The following LRRFIP1 variants were observed in gnomAD, a reference collection of about 807,000 sequenced individuals.
The protein encoded by LRRFIP1 is leucine-rich repeat flightless-interacting protein 1.
In LRRFIP1, 62 loss-of-function variants were observed where a neutral mutation model predicts 104.4. The observed-to-expected ratio is 0.59, with a 90% CI of 0.48 to 0.73. The LOEUF is 0.73. Ranked by LOEUF, LRRFIP1 falls within the 30% of genes least tolerant of loss-of-function variation. The pLI is 0.00. For synonymous variants in LRRFIP1, 300 were observed against 299.0 expected (o/e 1.00, Z -0.03); for missense variants, 796 against 824.5 (o/e 0.97, Z 0.42).
intron 20 of LRRFIP1, chr2:237,770,193 A>G (rs1415160705): frequency 5.3e-6 from 3 of 561,088 alleles, no homozygotes; most frequent in Non-Finnish European, 9.7e-6. Context: ...ATCCTGAGTC[A>G]TATGAGGTTT....
At chr2:237,657,113 A>T (rs1433499989) in intron 1 of LRRFIP1, among the ~76,000 whole-genome samples, 1 of 152,218 alleles carries the variant, frequency 6.6e-6, no homozygotes, top group Admixed American at 6.6e-5. Flanking sequence ...TTTTGGTTTC[A>T]GTTACAGTGG....
At chr2:237,683,124 A>C (rs2092010083) in intron 1 of LRRFIP1, among the ~76,000 whole-genome samples, 1 of 152,218 alleles carries the variant, frequency 6.6e-6, no homozygotes. Context: ...ACGTCAGGGG[A>C]CCCTGCTCTT....
chr2:237,735,528 T>C lies in LRRFIP1; in HGVS notation c.555+195T>C. ...AATCAGGAAACCTCTGGTTGTTGGT[T>C]TCATGTCCTCACTCATCAGGGAGAG... On this transcript the variant is annotated intron_variant, in intron 10 of 23. Coordinates refer to ENST00000308482, the MANE Select transcript of LRRFIP1 (RefSeq NM_001137550.2). This position sits in a 1 kb window ranked among gnomAD's most constrained non-coding sequence, Gnocchi z 4.6. The C allele has an allele frequency of 1.8e-6, 1 of 562,216 alleles. No individual in the cohort carries two copies. Among genetic ancestry groups the C allele is most frequent in the South Asian group, 2.2e-5 (1 of 45,540 alleles). 34.8% of individuals were successfully genotyped at this position (562,216 alleles called of 1,614,324 possible).
intron 1 of LRRFIP1, among the ~76,000 whole-genome samples, chr2:237,653,400 G>A (rs1217251984): frequency 1.3e-5 from 2 of 152,124 alleles, no homozygotes; most frequent in Non-Finnish European, 2.9e-5. Context: ...TTCATGGACT[G>A]GAAGAATTAA....
intron 14 of LRRFIP1, 86 bp from the exon 15 acceptor site, chr2:237,753,223 G>A (rs2058848428): frequency 9.7e-7 from 1 of 1,031,418 alleles, no homozygotes; most frequent in South Asian, 1.6e-5. Flanking sequence ...GTTTAGGACT[G>A]AGGGTTTTTT....
intron 5 of LRRFIP1, 79 bp from the exon 6 acceptor site, chr2:237,720,692 TC>T: frequency 7.7e-7 from 1 of 1,291,032 alleles, no homozygotes; most frequent in Non-Finnish European, 1.1e-6. Flanking sequence ...GTTCCCAGCA[TC>T]CCCCTGAAAC....
chr2:237,652,766 G>T (rs1022268493), intron 1 of LRRFIP1, among the ~76,000 whole-genome samples: 1 of 152,208 alleles, frequency 6.6e-6, no homozygotes, highest in Non-Finnish European at 1.5e-5. Context: ...AGAGAGGACT[G>T]CCTGATCTCA....
intron 1 of LRRFIP1, among the ~76,000 whole-genome samples, chr2:237,690,528 G>C (rs2092685445): frequency 6.6e-6 from 1 of 152,160 alleles, no homozygotes; most frequent in South Asian, 2.1e-4. Flanking sequence ...TTTGAGGTCA[G>C]GAGTTCGAAA....
intron 19 of LRRFIP1, chr2:237,764,226 C>T: frequency 6.2e-7 from 1 of 1,612,372 alleles, no homozygotes; most frequent in Admixed American, 1.7e-5. Context: ...GTAGAATGTT[C>T]TAAATTCATA....
At chr2:237,652,137 C>T (rs564791199) in intron 1 of LRRFIP1, among the ~76,000 whole-genome samples, 9 of 152,364 alleles carry the variant, frequency 5.9e-5, no homozygotes, top group Admixed American at 5.9e-4. Context: ...GTGGCGCCCC[C>T]ACTCTCTGGA....
intron 3 of LRRFIP1, among the ~76,000 whole-genome samples, chr2:237,716,510 G>T (rs899636334): frequency 2.6e-5 from 4 of 152,102 alleles, no homozygotes; most frequent in African/African-American, 9.7e-5. Context: ...AAAGAGATAA[G>T]ACCGTCTGAA....
chr2:237,664,511 C>A (rs78196265), intron 1 of LRRFIP1, among the ~76,000 whole-genome samples: 1,870 of 152,272 alleles, frequency 0.012, 26 homozygotes, highest in African/African-American at 0.041. Context: ...TCCAGGGAGG[C>A]GTGAAGAGAA....
At chr2:237,751,617 C>T (rs1056614901) in intron 14 of LRRFIP1, among the ~76,000 whole-genome samples, 4 of 152,226 alleles carry the variant, frequency 2.6e-5, no homozygotes, top group Non-Finnish European at 5.9e-5. Flanking sequence ...GTTTTCTTCA[C>T]TTTTTGTAGT....
At chr2:237,737,622 A>C (rs550101222) in intron 10 of LRRFIP1, among the ~76,000 whole-genome samples, 34 of 152,332 alleles carry the variant, frequency 2.2e-4, no homozygotes, top group Admixed American at 1.7e-3. Flanking sequence ...AGGATGGAGA[A>C]GGATTTGCTG....
chr2:237,706,937 A>G lies in LRRFIP1; in HGVS notation c.97-1607A>G, dbSNP rs529769258. Among the ~76,000 whole-genome samples, 8 of 152,310 alleles carry G rather than the reference A, an allele frequency of 5.3e-5. No individual in the cohort carries two copies. The South Asian group carries it at 1.4e-3, about 28-fold the overall frequency. ...AGCCACCATGCCTAGCCTGGCCCCA[A>G]GAGGCCCTTCACACCATGTAATATG... On this transcript the variant is annotated intron_variant, in intron 1 of 23. Transcript: ENST00000308482.
At chr2:237,690,485 C>T (rs1054172695) in intron 1 of LRRFIP1, among the ~76,000 whole-genome samples, 2 of 152,036 alleles carry the variant, frequency 1.3e-5, no homozygotes, top group African/African-American at 4.8e-5. Flanking sequence ...ACCTGTAATC[C>T]CAGCACTTTC....
At chr2:237,763,408 G>A (rs549911870) in intron 19 of LRRFIP1, 13 of 1,613,838 alleles carry the variant, frequency 8.1e-6, no homozygotes, top group Middle Eastern at 3.3e-4. Flanking sequence ...TGGACTCATC[G>A]CAGAAGAAGA....
At chr2:237,633,395 G>T (rs535238377) in intron 1 of LRRFIP1, among the ~76,000 whole-genome samples, 1 of 152,160 alleles carries the variant, frequency 6.6e-6, no homozygotes, top group Non-Finnish European at 1.5e-5. Context: ...AGGCCTGCTG[G>T]TCCCCAACGG....
intron 1 of LRRFIP1, among the ~76,000 whole-genome samples, chr2:237,685,411 G>A (rs1440385586): frequency 1.3e-5 from 2 of 152,148 alleles, no homozygotes; most frequent in Non-Finnish European, 2.9e-5. Flanking sequence ...ATGGTGTAAT[G>A]TAACGCCATG....
Sources: allele counts gnomAD v4.1 joint callset (sites outside exome capture counted in the v4.1 genomes callset), GRCh38; gene constraint gnomAD v4.1.1; non-coding constraint Gnocchi (gnomAD v3.1); transcripts MANE v1.5; gene names NCBI Gene and HGNC (gene_info 2026-07-23, HGNC 2026-07-21).